PFKP: variants seen among roughly 807,000 people sequenced by gnomAD.
The protein encoded by PFKP is ATP-dependent 6-phosphofructokinase, platelet type.
In PFKP, 101 loss-of-function variants were observed where a neutral mutation model predicts 94.3. The ratio of observed to expected loss-of-function variants is 1.07; its 90% CI spans 0.91 to 1.26. The LOEUF (loss-of-function observed/expected upper bound fraction) is 1.26, where lower values mean the gene tolerates loss of function less well. Among genes scored for constraint, PFKP ranks in the 50% most tolerant of loss-of-function variants. The pLI is 0.00. For missense variants in PFKP, 1,145 were observed against 1,103.3 expected (o/e 1.04, Z -0.53); for synonymous variants, 573 against 432.6 (o/e 1.32, Z -4.03).
chr10:3,098,967 T>G (rs1409066341), intron 2 of PFKP, among the ~76,000 whole-genome samples: 3 of 152,142 alleles, frequency 2.0e-5, no homozygotes, highest in Non-Finnish European at 4.4e-5. Context: ...AGTGACCCCT[T>G]TCAACCTCTA....
intron 2 of PFKP, among the ~76,000 whole-genome samples, chr10:3,089,723 C>T (rs1433229334): frequency 6.7e-6 from 1 of 149,880 alleles, no homozygotes; most frequent in African/African-American, 2.4e-5. Context: ...CAATGTTATA[C>T]ATTATGTATA....
At chr10:3,082,944 CA>C (rs1164877506) in intron 2 of PFKP, among the ~76,000 whole-genome samples, 1 of 152,156 alleles carries the variant, frequency 6.6e-6, no homozygotes, top group East Asian at 1.9e-4. Flanking sequence ...GTCCTGTCCT[CA>C]AGCTATCCAC....
In PFKP at chr10:3,103,332, C is replaced by G. The variant is rs189097568; in HGVS notation, c.455-447C>G. 3.1e-4 allele frequency among the ~76,000 whole-genome samples: 47 copies of G among 152,318 alleles called. No individual in the cohort carries two copies. The East Asian group carries it at 4.2e-3, about 14-fold the overall frequency. On this transcript the variant is annotated intron_variant, in intron 4 of 21. Transcript: ENST00000381125. Reference sequence around the variant, plus strand: ...TTCTCTTTCCTTAACTATGCAGAATCCGGTTGCCTTGAGTTCGGAGAAAAT... The same window carrying G: ...TTCTCTTTCCTTAACTATGCAGAATGCGGTTGCCTTGAGTTCGGAGAAAAT...
Position 3,067,750 on chromosome 10 carries a change from G to T in PFKP, c.112+43G>T, listed in dbSNP as rs1301550071. 30 of 1,088,538 alleles carry T rather than the reference G, an allele frequency of 2.8e-5. No homozygotes were observed. The Admixed American group carries it at 5.9e-4, about 21-fold the overall frequency. 67.4% of individuals were successfully genotyped at this position (1,088,538 alleles called of 1,614,324 possible). On this transcript the variant is annotated intron_variant, in intron 1 of 21. Transcript: ENST00000381125. ...GGCGGCGAGGGAGGGACGGACGGAC[G>T]GAGCTGGGGAGAACCGGGCGAAGGC...
chr10:3,095,233 C>CGCGCATAGGTGA (rs534523216), intron 2 of PFKP, among the ~76,000 whole-genome samples: 38,364 of 151,020 alleles, frequency 0.25, 5,821 homozygotes, highest in Non-Finnish European at 0.34. Flanking sequence ...CCGAGAAAGC[C>CGCGCATAGGTGA]ACCCATAGGT....
intron 10 of PFKP, among the ~76,000 whole-genome samples, chr10:3,110,882 G>GT (rs1236935939): frequency 1.3e-5 from 2 of 151,086 alleles, no homozygotes; most frequent in African/African-American, 2.5e-5. Context: ...ATGTCTGCAT[G>GT]TATGTGTGTG....
intron 11 of PFKP, among the ~76,000 whole-genome samples, chr10:3,112,856 C>T (rs1170687597): frequency 6.6e-6 from 1 of 152,246 alleles, no homozygotes; most frequent in African/African-American, 2.4e-5. Flanking sequence ...GCTTGAGCCA[C>T]CGCACGCATG....
At position 3,113,487 on chromosome 10, in the gene PFKP, A is replaced by G. The variant is rs961247362; in HGVS notation, c.1340A>G (p.Tyr447Cys). The change falls in exon 13 of 22, where the codon TAT (tyrosine) becomes TGT (cysteine). Residue 447 changes from tyrosine (Y) to cysteine (C), a missense_variant. Around this residue, in one of 3 missense-constraint regions of PFKP, gnomAD observed 1,119 missense variants for 1,062.8 expected, o/e 1.05. Transcript: ENST00000381125. Reference sequence around the variant, plus strand: ...GACGGCCACAGGATGCTCGCCATCTATGATGGCTTTGACGGCTTCGCCAAG... The same window carrying G: ...GACGGCCACAGGATGCTCGCCATCTGTGATGGCTTTGACGGCTTCGCCAAG... ...IADGHRMLAI[Y>C]DGFDGFAKGQ... is the part of the protein sequence containing the mutation. 1.9e-6 allele frequency: 3 copies of G among 1,613,354 alleles called. No homozygotes were observed. Among genetic ancestry groups the G allele is most frequent in the Non-Finnish European group, 2.5e-6 (3 of 1,179,968 alleles).
intron 4 of PFKP, among the ~76,000 whole-genome samples, chr10:3,103,293 C>T (rs1835197482): frequency 6.6e-6 from 1 of 152,184 alleles, no homozygotes; most frequent in Non-Finnish European, 1.5e-5. Flanking sequence ...TAACTGCTGC[C>T]AGCTTTGTCT....
At chr10:3,101,284 G>A in intron 3 of PFKP, 81 bp from the exon 4 acceptor site, 1 of 1,163,038 alleles carries the variant, frequency 8.6e-7, no homozygotes, top group Non-Finnish European at 1.2e-6. Context: ...AGCACCCCAT[G>A]TTTATAGTCG....
chr10:3,123,329 A>G (rs1436156813), intron 16 of PFKP, among the ~76,000 whole-genome samples: 2 of 152,314 alleles, frequency 1.3e-5, no homozygotes, highest in African/African-American at 4.8e-5. Flanking sequence ...CTCGTGACTG[A>G]TTCACAGCCT....
At chr10:3,123,232 C>CT (rs1343773959) in intron 16 of PFKP, among the ~76,000 whole-genome samples, 8 of 152,200 alleles carry the variant, frequency 5.3e-5, no homozygotes, top group Non-Finnish European at 7.3e-5. Context: ...TTACTCCGTC[C>CT]TGTAAGCTCG....
At chr10:3,127,079 A>T (rs185909206) in intron 16 of PFKP, among the ~76,000 whole-genome samples, 85 of 152,368 alleles carry the variant, frequency 5.6e-4, no homozygotes, top group African/African-American at 1.9e-3. Flanking sequence ...CCTTCTTGTC[A>T]GTGCTGCTTT....
intron 17 of PFKP, among the ~76,000 whole-genome samples, chr10:3,130,722 G>A (rs1238977270): frequency 6.6e-6 from 1 of 152,148 alleles, no homozygotes; most frequent in Non-Finnish European, 1.5e-5. Flanking sequence ...ACCACGCCCA[G>A]CTAATTTTGT....
chr10:3,128,464 G>A (rs997828948), intron 16 of PFKP, among the ~76,000 whole-genome samples: 3 of 151,712 alleles, frequency 2.0e-5, no homozygotes, highest in East Asian at 2.0e-4. Context: ...TCCCGTGGCC[G>A]CTGTGACACT....
rs61731935 is a variant in PFKP, at chr10:3,135,811, C to G, written c.2198C>G (p.Ala733Gly). ...SKRNVIFQPV[A>G]ELKKQTDFEH... ...AGAAACGTTATTTTTCAACCTGTGG[C>G]AGAGCTGAAGAAGCAAACGGATTTT... is the stretch of plus-strand genomic sequence containing the variant. The change falls in exon 21 of 22, where the codon GCA becomes GGA. Residue 733 changes from alanine to glycine, a missense_variant. Physicochemically the swap from Ala to Gly is moderately conservative, Grantham distance 60. Around this residue, in one of 3 missense-constraint regions of PFKP, gnomAD observed 1,119 missense variants for 1,062.8 expected, o/e 1.05. Transcript: ENST00000381125. 1 of 1,612,858 alleles carries G rather than the reference C, an allele frequency of 6.2e-7. No individual in the cohort carries two copies.
intron 2 of PFKP, among the ~76,000 whole-genome samples, chr10:3,094,222 C>T (rs768509839): frequency 1.3e-5 from 2 of 152,172 alleles, no homozygotes; most frequent in South Asian, 2.1e-4. Context: ...GAAGGGCGAC[C>T]GGCCTCGCTC....
chr10:3,130,041 A>G, intron 17 of PFKP, 58 bp downstream of exon 17: 1 of 1,461,468 alleles, frequency 6.8e-7, no homozygotes, highest in Non-Finnish European at 9.2e-7. Context: ...GGTGCTGCGG[A>G]GTGAATCATC....
intron 14 of PFKP, among the ~76,000 whole-genome samples, chr10:3,118,071 T>G (rs965915066): frequency 6.6e-6 from 1 of 152,132 alleles, no homozygotes; most frequent in African/African-American, 2.4e-5. Context: ...CATGTGACAT[T>G]GGTGAGAGCA....
Sources: gnomAD v4.1 joint callset for allele counts (sites outside exome capture counted in the v4.1 genomes callset) on GRCh38, gnomAD v4.1.1 for gene constraint, gnomAD v4.1.1 regional missense constraint, MANE v1.5 for transcripts, NCBI Gene and HGNC (gene_info 2026-07-23, HGNC 2026-07-21) for gene names.